CCSER1: variants seen among roughly 807,000 people sequenced by gnomAD.
CCSER1 encodes serine-rich coiled-coil domain-containing protein 1.
A neutral mutation model predicts 82.0 loss-of-function variants in CCSER1; 41 were observed. The ratio of observed to expected loss-of-function variants is 0.50; its 90% CI spans 0.39 to 0.65. The LOEUF (loss-of-function observed/expected upper bound fraction) is 0.65, where lower values mean the gene tolerates loss of function less well. Among genes scored for constraint, CCSER1 ranks in the 30% least tolerant of loss-of-function variants. CCSER1 has a pLI of 0.00. For synonymous variants in CCSER1, 414 were observed against 383.9 expected (o/e 1.08, Z -0.92); for missense variants, 1,119 against 1,064.2 (o/e 1.05, Z -0.72).
chr4:91,142,078 TTTG>T (rs1192263427), intron 10 of CCSER1, among the ~76,000 whole-genome samples: 2 of 152,112 alleles, frequency 1.3e-5, no homozygotes, highest in African/African-American at 2.4e-5. Flanking sequence ...GTGATATGGT[TTTG>T]TTGTGTCCCC....
At chr4:90,241,707 A>C (rs1049600846) in intron 1 of CCSER1, among the ~76,000 whole-genome samples, 9 of 152,236 alleles carry the variant, frequency 5.9e-5, no homozygotes, top group Non-Finnish European at 1.2e-4. Context: ...AAAAATGCCA[A>C]CATGAATAAA....
intron 10 of CCSER1, among the ~76,000 whole-genome samples, chr4:91,415,507 C>T (rs1162528588): frequency 2.0e-5 from 3 of 152,100 alleles, no homozygotes; most frequent in African/African-American, 4.8e-5. Context: ...AAGGGAAATG[C>T]TTCCAGCTTT....
At chr4:90,673,599 A>G (rs1189600784) in intron 6 of CCSER1, among the ~76,000 whole-genome samples, 1 of 151,994 alleles carries the variant, frequency 6.6e-6, no homozygotes, top group Non-Finnish European at 1.5e-5. Context: ...TGCTAGGTAA[A>G]TATAATTAAA....
intron 5 of CCSER1, among the ~76,000 whole-genome samples, chr4:90,535,707 A>G (rs1365745168): frequency 6.6e-6 from 1 of 152,236 alleles, no homozygotes; most frequent in Non-Finnish European, 1.5e-5. Context: ...TAGTAGTTCA[A>G]TAAATATCAC....
intron 10 of CCSER1, among the ~76,000 whole-genome samples, chr4:91,378,306 T>C (rs1164774649): frequency 6.6e-6 from 1 of 152,210 alleles, no homozygotes; most frequent in African/African-American, 2.4e-5. Flanking sequence ...GGTAGCTTGA[T>C]GTGGATGGCA....
chr4:90,360,042 C>G (rs1161887157), intron 3 of CCSER1, among the ~76,000 whole-genome samples: 1 of 148,586 alleles, frequency 6.7e-6, no homozygotes, highest in African/African-American at 2.4e-5. Context: ...CTCAGCCTCT[C>G]GAGCAGCAAG....
chr4:90,656,346 A>T (rs1729700969), intron 6 of CCSER1, among the ~76,000 whole-genome samples: 1 of 151,218 alleles, frequency 6.6e-6, no homozygotes, highest in Non-Finnish European at 1.5e-5. Flanking sequence ...TATTCTGTCA[A>T]TTTTTTAATA....
rs912619812 is a variant in CCSER1, at chr4:90,861,922, ATATATTTT to A, written c.2094+46079_2094+46086del. ...TGATGACTCATATATATATATATAT[ATATATTTT>A]TTTTTTCTGTTAGACTAGTGTTGAT... is the stretch of plus-strand genomic sequence containing the variant. On this transcript the variant is annotated intron_variant, in intron 8 of 10. Coordinates refer to ENST00000509176, the MANE Select transcript of CCSER1 (RefSeq NM_001145065.2). Among the ~76,000 whole-genome samples the A allele has an allele frequency of 1.8e-4, 18 of 102,254 alleles. No homozygotes were observed. In the Middle Eastern group the frequency reaches 0.015, roughly 85 times the overall value. The allele number at this position is 102,254 out of a possible 152,430, so 67.1% of individuals were successfully genotyped here.
intron 10 of CCSER1, among the ~76,000 whole-genome samples, chr4:91,186,036 T>A (rs932293479): frequency 6.6e-6 from 1 of 152,184 alleles, no homozygotes; most frequent in Non-Finnish European, 1.5e-5. Flanking sequence ...CTGCCAAGCC[T>A]CTAAATCACC....
chr4:90,992,037 T>C (rs1737077869), intron 9 of CCSER1, among the ~76,000 whole-genome samples: 1 of 152,068 alleles, frequency 6.6e-6, no homozygotes, highest in Admixed American at 6.6e-5. Flanking sequence ...GCTTTTCTTA[T>C]TTGAACTGAC....
chr4:90,281,260 CAAAG>C (rs1728800230), intron 1 of CCSER1, among the ~76,000 whole-genome samples: 1 of 151,892 alleles, frequency 6.6e-6, no homozygotes, highest in Non-Finnish European at 1.5e-5. Context: ...CACATGCACA[CAAAG>C]AAAGAAACAA....
intron 10 of CCSER1, among the ~76,000 whole-genome samples, chr4:91,336,836 G>T (rs147993178): frequency 6.6e-6 from 1 of 151,974 alleles, no homozygotes; most frequent in African/African-American, 2.4e-5. Flanking sequence ...CCACATTTAT[G>T]CCCTCAGGGA....
At chr4:90,652,368 A>G (rs1728909693) in intron 6 of CCSER1, among the ~76,000 whole-genome samples, 2 of 152,170 alleles carry the variant, frequency 1.3e-5, no homozygotes, top group Non-Finnish European at 2.9e-5. Context: ...TTGTAGAAAT[A>G]ATACTAAAAT....
At chr4:91,137,834 A>G (rs62310661) in intron 10 of CCSER1, among the ~76,000 whole-genome samples, 103,349 of 145,938 alleles carry the variant, frequency 0.71, 37,019 homozygotes, top group Non-Finnish European at 0.77. Context: ...TCCCATTCAC[A>G]ATTGCTTCAA....
intron 5 of CCSER1, among the ~76,000 whole-genome samples, chr4:90,495,918 A>C (rs1768922244): frequency 6.6e-6 from 1 of 152,224 alleles, no homozygotes; most frequent in Admixed American, 6.5e-5. Flanking sequence ...AGACAGTCAG[A>C]CATTAAAATG....
At chr4:90,155,665 A>G (rs1416612840) in intron 1 of CCSER1, among the ~76,000 whole-genome samples, 3 of 152,258 alleles carry the variant, frequency 2.0e-5, no homozygotes, top group East Asian at 3.9e-4. Flanking sequence ...GTTTATTTGC[A>G]TAGAGGTGTT....
chr4:90,341,563 C>T (rs1741385916), intron 3 of CCSER1, among the ~76,000 whole-genome samples: 1 of 151,964 alleles, frequency 6.6e-6, no homozygotes, highest in Non-Finnish European at 1.5e-5. Context: ...TTTTACTAGT[C>T]TAGACAACTC....
rs753570201 is a variant in CCSER1 at position 90,403,498 on chromosome 4, C to CAAAA, written c.1603+3388_1603+3391dup. The stretch of plus-strand genomic sequence containing the variant: ...TGGGCGACAGAGCGAGACTCCGTCT[C>CAAAA]AAAAAAAAAAAAAAAAAAAAAAGAA... On this transcript the variant is annotated intron_variant, in intron 4 of 10. Coordinates refer to ENST00000509176, the MANE Select transcript of CCSER1 (RefSeq NM_001145065.2). Among the ~76,000 whole-genome samples the CAAAA allele has an allele frequency of 3.6e-3, 165 of 45,930 alleles. 3 individuals carry two copies. Among genetic ancestry groups the CAAAA allele is most frequent in the Non-Finnish European group, 5.4e-3 (130 of 23,892 alleles). 30.1% of individuals were successfully genotyped at this position (45,930 alleles called of 152,430 possible).
Position 90,492,216 on chromosome 4 carries a change from G to A in CCSER1, c.1724+23862G>A, listed in dbSNP as rs144024709. ...CAGAGCCTGTTATTGGTCTGTTCAG[G>A]GATTCAACTTCTTCCTGGTTTAGTC... is the stretch of plus-strand genomic sequence containing the variant. On this transcript the variant is annotated intron_variant, in intron 5 of 10. Coordinates refer to ENST00000509176, the MANE Select transcript of CCSER1 (RefSeq NM_001145065.2). 7.0e-4 allele frequency among the ~76,000 whole-genome samples: 107 copies of A among 152,080 alleles called. No homozygotes were observed. In the East Asian group the frequency reaches 0.011, roughly 16 times the overall value.
Sources: gnomAD v4.1 joint callset for allele counts (sites outside exome capture counted in the v4.1 genomes callset) on GRCh38, gnomAD v4.1.1 for gene constraint, MANE v1.5 for transcripts, NCBI Gene and HGNC (gene_info 2026-07-23, HGNC 2026-07-21) for gene names.